The following SEMA3F variants were observed in gnomAD, a reference collection of about 807,000 sequenced individuals.
SEMA3F encodes semaphorin 3F.
In SEMA3F, 30 loss-of-function variants were observed where a neutral mutation model predicts 98.5. The observed-to-expected ratio is 0.30, with a 90% CI of 0.23 to 0.41. The LOEUF (loss-of-function observed/expected upper bound fraction) is 0.41. Among genes scored for constraint, SEMA3F ranks in the 10% least tolerant of loss-of-function variants. The pLI is 1.00. For synonymous variants in SEMA3F, 380 were observed against 444.8 expected, an observed-to-expected ratio of 0.85 and a Z score of 1.83; for missense variants, 866 against 1,119.3, an observed-to-expected ratio of 0.77 and a Z score of 3.23.
rs1450846044 is a variant in SEMA3F at position 50,166,698 on chromosome 3, AAGGCCGCAGAGAT to A, written c.112+6965_112+6977del. On this transcript the variant is annotated intron_variant, in intron 2 of 18. Coordinates refer to ENST00000002829, the MANE Select transcript of SEMA3F (RefSeq NM_004186.5). This position sits in a 1 kb window ranked among gnomAD's most constrained non-coding sequence, Gnocchi z 4.7. Reference sequence around the variant, plus strand: ...CTGCAGGGACCGCAGGAATCCGAGGAAGGCCGCAGAGATGGGGGCTGGGCCCAGGGGAGGGGGA... The same window carrying A: ...CTGCAGGGACCGCAGGAATCCGAGGAGGGGGCTGGGCCCAGGGGAGGGGGA... Among the ~76,000 whole-genome samples, 1 of 152,088 alleles carries A rather than the reference AAGGCCGCAGAGAT, an allele frequency of 6.6e-6. No individual in the cohort carries two copies. Among genetic ancestry groups the A allele is most frequent in the East Asian group, 1.9e-4 (1 of 5,166 alleles).
At chr3:50,176,615 G>A (rs1482293694) in intron 6 of SEMA3F, among the ~76,000 whole-genome samples, 153 bp from the exon 7 acceptor site, 1 of 152,044 alleles carries the variant, frequency 6.6e-6, no homozygotes, top group Non-Finnish European at 1.5e-5. Flanking sequence ...GACCTGGCTG[G>A]ATGGAGTTTA....
chr3:50,159,173 C>T (rs1466517570), intron 1 of SEMA3F: 1 of 163,084 alleles, frequency 6.1e-6, no homozygotes, highest in Non-Finnish European at 1.3e-5. Context: ...TGCACCCTAT[C>T]TGTTCCCCAT....
chr3:50,160,119 CA>C (rs1698148016), intron 2 of SEMA3F, among the ~76,000 whole-genome samples: 1 of 152,174 alleles, frequency 6.6e-6, no homozygotes, highest in African/African-American at 2.4e-5. Context: ...CTGCCCTGAG[CA>C]GCCCCTGGGG....
Position 50,182,215 on chromosome 3 carries a change from A to G in SEMA3F, c.644-69A>G. The G allele has an allele frequency of 6.2e-7, 1 of 1,608,328 alleles. No homozygotes were observed. The highest frequency in any genetic ancestry group is 1.1e-5 in the South Asian group (1 of 90,898). On this transcript the variant is annotated intron_variant, in intron 7 of 18. Coordinates refer to ENST00000002829, the MANE Select transcript of SEMA3F (RefSeq NM_004186.5). This position sits in a 1 kb window ranked among gnomAD's most constrained non-coding sequence, Gnocchi z 4.5. ...CGGGGAGATAAGGCCCTGCCCTGGA[A>G]GTCATCTGAGCTGTGCCCTGGCCCT...
chr3:50,174,719 C>T (rs1488483160), intron 5 of SEMA3F, among the ~76,000 whole-genome samples: 1 of 152,246 alleles, frequency 6.6e-6, no homozygotes, highest in Admixed American at 6.5e-5. Context: ...AGGCTGGACC[C>T]CTGGGTCAGC....
chr3:50,185,769 C>T (rs1287882196), intron 15 of SEMA3F, 62 bp downstream of exon 15: 2 of 1,610,528 alleles, frequency 1.2e-6, no homozygotes, highest in African/African-American at 1.3e-5. Context: ...CAGGGTCATG[C>T]CCTTGGCACA....
chr3:50,183,624 A>G (rs370657731), intron 12 of SEMA3F, 60 bp downstream of exon 12: 9 of 1,573,656 alleles, frequency 5.7e-6, no homozygotes, highest in African/African-American at 5.4e-5. Context: ...CCTCTGGGTC[A>G]GGCTCTTTGC....
chr3:50,160,212 C>T (rs1050708630), intron 2 of SEMA3F, among the ~76,000 whole-genome samples: 16 of 151,988 alleles, frequency 1.1e-4, no homozygotes, highest in African/African-American at 4.8e-5. Context: ...TGTGGGTGCT[C>T]GAGGAGCCTT....
intron 7 of SEMA3F, among the ~76,000 whole-genome samples, chr3:50,181,380 GGT>G (rs1699010289): frequency 6.6e-6 from 1 of 151,672 alleles, no homozygotes; most frequent in Non-Finnish European, 1.5e-5. Context: ...GGAGTGCAGT[GGT>G]GCGATCTCGG....
intron 6 of SEMA3F, 127 bp from the exon 7 acceptor site, chr3:50,176,640 TG>T: frequency 1.4e-6 from 1 of 704,006 alleles, no homozygotes; most frequent in Non-Finnish European, 2.6e-6. Flanking sequence ...CAAGGAATGC[TG>T]GGGAGTGTAG....
In SEMA3F at chr3:50,185,646, T is replaced by C; in HGVS notation, c.1546-20T>C. ...GGAGGGGGTCCCTGGCATCCCAAGCTGATCTTTATCTTTTTCTAGGATCCA... is the reference window on the plus strand; with the variant it reads ...GGAGGGGGTCCCTGGCATCCCAAGCCGATCTTTATCTTTTTCTAGGATCCA... On this transcript the variant is annotated intron_variant, in intron 14 of 18. Coordinates refer to ENST00000002829, the MANE Select transcript of SEMA3F (RefSeq NM_004186.5). 1 of 1,614,152 alleles carries C rather than the reference T, an allele frequency of 6.2e-7. No homozygotes were observed. The highest frequency in any genetic ancestry group is 2.2e-5 in the East Asian group (1 of 44,884).
intron 7 of SEMA3F, among the ~76,000 whole-genome samples, chr3:50,177,216 A>G (rs1156285049): frequency 6.6e-6 from 1 of 152,232 alleles, no homozygotes; most frequent in Non-Finnish European, 1.5e-5. Context: ...TCTGAGGGGC[A>G]GTCCCATAGC....
chr3:50,177,445 G>GC (rs1223712314), intron 7 of SEMA3F, among the ~76,000 whole-genome samples: 17 of 152,324 alleles, frequency 1.1e-4, no homozygotes, highest in Admixed American at 1.0e-3. Context: ...CCTGGCTCAT[G>GC]CACGCTGCCT....
At chr3:50,184,430 C>G (rs921418505) in intron 12 of SEMA3F, 162 bp from the exon 13 acceptor site, 26 of 631,936 alleles carry the variant, frequency 4.1e-5, no homozygotes, top group Non-Finnish European at 6.5e-5. Flanking sequence ...AGAGCAGGAC[C>G]TGTAGAGGTC....
intron 2 of SEMA3F, among the ~76,000 whole-genome samples, chr3:50,171,108 C>T (rs915921289): frequency 4.6e-5 from 7 of 152,180 alleles, no homozygotes; most frequent in Non-Finnish European, 8.8e-5. Context: ...GGGCTTTGTG[C>T]ACAGCGGGTG....
chr3:50,177,064 C>CTA (rs1698843391), intron 7 of SEMA3F, among the ~76,000 whole-genome samples: 1 of 152,242 alleles, frequency 6.6e-6, no homozygotes, highest in Non-Finnish European at 1.5e-5. Flanking sequence ...TGGTAGAAGC[C>CTA]TCCGCCTGGC....
At chr3:50,184,322 T>G in intron 12 of SEMA3F, 3 of 502,490 alleles carry the variant, frequency 6.0e-6, no homozygotes, top group Admixed American at 3.4e-5. Context: ...GAGGGGGACA[T>G]GGAAGGGAGT....
rs139236502 is a variant in SEMA3F, at chr3:50,184,759, C to A, written c.1401C>A (p.Ala467=). 1 of 1,614,024 alleles carries A rather than the reference C, an allele frequency of 6.2e-7. No homozygotes were observed. Among genetic ancestry groups the A allele is most frequent in the Non-Finnish European group, 8.5e-7 (1 of 1,180,006 alleles). The change falls in exon 13 of 19, where the codon GCC becomes GCA. Residue 467 remains alanine, a synonymous_variant. Transcript: ENST00000002829. The part of the protein sequence containing the change: ...TGAPYRLTTI[A]VDQVDAADGR... ...CTCCCTACCGCCTTACCACTATTGC[C>A]GTGGACCAGGTGGATGCAGCCGACG...
At chr3:50,171,822 G>A (rs965300842) in intron 2 of SEMA3F, among the ~76,000 whole-genome samples, 3 of 152,224 alleles carry the variant, frequency 2.0e-5, no homozygotes, top group Admixed American at 6.5e-5. Context: ...GGACAGGCGG[G>A]TGAGGCCATC....
Sources: gnomAD v4.1 joint callset for allele counts (sites outside exome capture counted in the v4.1 genomes callset) on GRCh38, gnomAD v4.1.1 for gene constraint, Gnocchi (gnomAD v3.1) non-coding constraint, MANE v1.5 for transcripts, NCBI Gene and HGNC (gene_info 2026-07-23, HGNC 2026-07-21) for gene names.